Variants in SAP130 observed in about 807,000 individuals in gnomAD.
SAP130 encodes the protein Sin3A associated protein 130, also known as histone deacetylase complex subunit SAP130.
In SAP130, 16 loss-of-function variants were observed where a neutral mutation model predicts 103.2. The observed-to-expected ratio is 0.16, with a 90% CI of 0.10 to 0.24. The LOEUF (loss-of-function observed/expected upper bound fraction) is 0.24. SAP130 is among the 10% of genes least tolerant of loss of function. The pLI, the probability that SAP130 is intolerant of heterozygous loss-of-function variation, is 1.00. For missense variants in SAP130, 990 were observed against 1,359.7 expected (o/e 0.73, Z 4.28); for synonymous variants, 477 against 497.0 (o/e 0.96, Z 0.53).
intron 7 of SAP130, among the ~76,000 whole-genome samples, chr2:128,005,069 A>C (rs1683859671): frequency 6.6e-6 from 1 of 152,206 alleles, no homozygotes; most frequent in South Asian, 2.1e-4. Context: ...TTAAAAACTT[A>C]ATGAAGTAAC....
At chr2:128,012,885 C>T (rs1301425429) in intron 6 of SAP130, 145 bp downstream of exon 6, 5 of 684,332 alleles carry the variant, frequency 7.3e-6, no homozygotes, top group African/African-American at 5.6e-5. Context: ...ATTCTTACAG[C>T]TTGCCACATG....
chr2:128,014,989 C>A, intron 4 of SAP130, 75 bp from the exon 5 acceptor site: 1 of 1,182,170 alleles, frequency 8.5e-7, no homozygotes. Context: ...CACCTGCCTC[C>A]AAATGTGGGT....
At chr2:127,964,163 C>A (rs970910730) in intron 15 of SAP130, among the ~76,000 whole-genome samples, 1 of 152,164 alleles carries the variant, frequency 6.6e-6, no homozygotes, top group Non-Finnish European at 1.5e-5. Context: ...CCATTGCACT[C>A]CAGCCTGGAT....
At chr2:128,003,953 T>C (rs1172541365) in intron 7 of SAP130, among the ~76,000 whole-genome samples, 2 of 132,430 alleles carry the variant, frequency 1.5e-5, no homozygotes, top group Non-Finnish European at 3.2e-5. Context: ...CTCCCACAGA[T>C]CAGCTTTTTT....
intron 14 of SAP130, among the ~76,000 whole-genome samples, chr2:127,985,161 A>G (rs977085301): frequency 7.2e-5 from 11 of 152,178 alleles, no homozygotes; most frequent in African/African-American, 2.4e-4. Flanking sequence ...TTTTGAAAAA[A>G]AGTTATATAG....
intron 5 of SAP130, 127 bp from the exon 6 acceptor site, chr2:128,013,281 T>C: frequency 1.3e-6 from 1 of 756,452 alleles, no homozygotes; most frequent in Non-Finnish European, 1.9e-6. Context: ...TACTTCCCAT[T>C]TCATCACAGA....
intron 12 of SAP130, among the ~76,000 whole-genome samples, chr2:127,992,822 A>G (rs948383906): frequency 1.3e-5 from 2 of 152,240 alleles, no homozygotes; most frequent in Non-Finnish European, 2.9e-5. Flanking sequence ...CTAAAGTAAA[A>G]GTTATTATAA....
At chr2:127,976,509 C>T (rs910581227) in intron 15 of SAP130, among the ~76,000 whole-genome samples, 6 of 152,104 alleles carry the variant, frequency 3.9e-5, no homozygotes, top group South Asian at 2.1e-4. Flanking sequence ...TTCTCAAATG[C>T]GGTTTTATGA....
At chr2:127,972,598 A>C (rs1382302520) in intron 15 of SAP130, among the ~76,000 whole-genome samples, 1 of 152,146 alleles carries the variant, frequency 6.6e-6, no homozygotes, top group Non-Finnish European at 1.5e-5. Context: ...TCTCTACTAA[A>C]AACACAAAAA....
In SAP130 at chr2:127,986,882, C is replaced by T. The variant is rs749113764; in HGVS notation, c.1861G>A (p.Val621Met). The change falls in exon 14 of 21, where the codon GTG becomes ATG. Residue 621 changes from valine (V) to methionine (M), a missense_variant. By Grantham distance (21) the Val-to-Met change is conservative. Coordinates refer to ENST00000643581, the MANE Select transcript of SAP130 (RefSeq NM_001330301.2). The surrounding 1 kb of genome is among the most constrained non-coding windows in gnomAD (Gnocchi z 4.7). ...GCACTCTGGCTGTGGGTCTGCACCA[C>T]GGTTGTTGCTGCTGGAGCAGCACTG... ...PFSAAPAATTVVQTHSQSAST... is the reference protein window; with the variant it reads ...PFSAAPAATTMVQTHSQSAST... 30 of 1,614,094 alleles carry T rather than the reference C, an allele frequency of 1.9e-5. No individual in the cohort carries two copies. Among genetic ancestry groups the T allele is most frequent in the East Asian group, 2.2e-5 (1 of 44,900 alleles).
chr2:127,993,978 T>G (rs545900061), intron 11 of SAP130, among the ~76,000 whole-genome samples: 48 of 152,064 alleles, frequency 3.2e-4, no homozygotes, highest in African/African-American at 1.2e-3. Context: ...CAGGAGAATA[T>G]GACAAAAGAA....
chr2:128,018,483 C>CAAAAAAAAAAAAAAAAAAAAAAA (rs759445928), intron 2 of SAP130, among the ~76,000 whole-genome samples: 3 of 69,472 alleles, frequency 4.3e-5, no homozygotes, highest in African/African-American at 2.0e-4. Context: ...AGATTGTCTC[C>CAAAAAAAAAAAAAAAAAAAAAAA]AAAAAAAAAA....
intron 11 of SAP130, among the ~76,000 whole-genome samples, chr2:127,995,764 C>A (rs921813961): frequency 6.6e-6 from 1 of 152,118 alleles, no homozygotes; most frequent in Non-Finnish European, 1.5e-5. Context: ...GTAGAAAAAA[C>A]CAGCAAACAT....
chr2:128,010,249 T>TTCATACTCCCCATGTATACCTAA lies in SAP130; in HGVS notation c.866_869+19dup, dbSNP rs531995367. On this transcript the variant is annotated intron_variant, in intron 7 of 20. Transcript: ENST00000643581. ...AGGAGGATGGCAGGAAGGTTCAAACTTCATACTCCCCATGTATACCTAAGT... is the reference window on the plus strand; with the variant it reads ...AGGAGGATGGCAGGAAGGTTCAAACTTCATACTCCCCATGTATACCTAATCATACTCCCCATGTATACCTAAGT... The TTCATACTCCCCATGTATACCTAA allele has an allele frequency of 1.4e-4, 219 of 1,599,970 alleles. No homozygotes were observed. The African/African-American group carries it at 2.8e-3, about 21-fold the overall frequency.
chr2:127,995,154 A>G (rs912013182), intron 11 of SAP130, among the ~76,000 whole-genome samples: 4 of 152,220 alleles, frequency 2.6e-5, no homozygotes, highest in African/African-American at 9.6e-5. Flanking sequence ...TTAAAATATT[A>G]TATACTTTCT....
chr2:128,000,197 C>A (rs1266359798), intron 8 of SAP130, 51 bp from the exon 9 acceptor site: 1 of 1,609,228 alleles, frequency 6.2e-7, no homozygotes, highest in Non-Finnish European at 8.5e-7. Flanking sequence ...CCACTGCGTC[C>A]AGGGTAAACA....
At chr2:127,987,092 A>G in intron 13 of SAP130, 130 bp from the exon 14 acceptor site, 1 of 766,298 alleles carries the variant, frequency 1.3e-6, no homozygotes, top group South Asian at 1.8e-5. Context: ...TCAAACTGAT[A>G]AGGGACAGGA....
Position 128,014,791 on chromosome 2 carries a change from G to A in SAP130, c.619+12C>T, listed in dbSNP as rs1684657645. The A allele has an allele frequency of 6.3e-7, 1 of 1,583,350 alleles. No individual in the cohort carries two copies. Among genetic ancestry groups the A allele is most frequent in the Non-Finnish European group, 8.7e-7 (1 of 1,152,016 alleles). ...CATTTTGAGAGTTTGAACAAAACTT[G>A]CAAGTCGTTACCTCGAGGTAAATGA... On this transcript the variant is annotated intron_variant, in intron 5 of 20. Coordinates refer to ENST00000643581, the MANE Select transcript of SAP130 (RefSeq NM_001330301.2).
In SAP130 at chr2:127,989,873, A is replaced by G. The variant is rs886606570; in HGVS notation, c.1478-7T>C. 5.0e-6 allele frequency: 8 copies of G among 1,610,746 alleles called. No individual in the cohort carries two copies. The African/African-American group carries it at 1.1e-4, about 22-fold the overall frequency. On this transcript the variant is annotated splice_region_variant and splice_polypyrimidine_tract_variant and intron_variant, in intron 12 of 20. Transcript: ENST00000643581. This position sits in a 1 kb window ranked among gnomAD's most constrained non-coding sequence, Gnocchi z 4.6. ...TTTGGAGCCTGAGCTGAAACTAAAA[A>G]TGATGCGAAAGGTAACTATAAGAAG...
Sources: gnomAD v4.1 joint callset for allele counts (sites outside exome capture counted in the v4.1 genomes callset) on GRCh38, gnomAD v4.1.1 for gene constraint, Gnocchi (gnomAD v3.1) non-coding constraint, MANE v1.5 for transcripts, NCBI Gene and HGNC (gene_info 2026-07-23, HGNC 2026-07-21) for gene names.